The following GALNT10 variants were observed in gnomAD, a reference collection of about 807,000 sequenced individuals.
GALNT10 encodes the protein GalNAc transferase 10.
Under a neutral mutation model 75.0 loss-of-function variants are expected in GALNT10, and 41 were observed. The observed-to-expected ratio is 0.55, with a 90% CI of 0.43 to 0.71. The LOEUF (loss-of-function observed/expected upper bound fraction) is 0.71. Ranked by LOEUF, GALNT10 falls within the 30% of genes least tolerant of loss-of-function variation. GALNT10 has a pLI of 0.00. For synonymous variants in GALNT10, 302 were observed against 313.0 expected, an observed-to-expected ratio of 0.96 and a Z score of 0.37; for missense variants, 727 against 818.5, an observed-to-expected ratio of 0.89 and a Z score of 1.36.
At chr5:154,360,867 A>G (rs1480969419) in intron 4 of GALNT10, among the ~76,000 whole-genome samples, 1 of 152,216 alleles carries the variant, frequency 6.6e-6, no homozygotes, top group Non-Finnish European at 1.5e-5. Flanking sequence ...TGTTTTAGAG[A>G]TTTAACATCT....
intron 1 of GALNT10, among the ~76,000 whole-genome samples, chr5:154,238,649 G>T (rs967232863): frequency 1.3e-5 from 2 of 152,156 alleles, no homozygotes; most frequent in Admixed American, 1.3e-4. Context: ...CTGCTCTCTG[G>T]ACGCAGAGCT....
rs1195391184 is a variant in GALNT10 at position 154,206,248 on chromosome 5, T to TA, written c.159+15231dup. ...TCTGCTTATTAAGAGATCAACCTGT[T>TA]AAAAAAAACCTGAGCCATTAGCCTT... On this transcript the variant is annotated intron_variant, in intron 1 of 11. Transcript: ENST00000297107. Among the ~76,000 whole-genome samples the TA allele has an allele frequency of 5.3e-4, 81 of 152,096 alleles. 1 individual carries two copies. The highest frequency in any genetic ancestry group is 1.3e-3 in the African/African-American group (55 of 41,478).
intron 3 of GALNT10, among the ~76,000 whole-genome samples, chr5:154,321,159 C>G (rs1386203688): frequency 6.6e-6 from 1 of 152,206 alleles, no homozygotes; most frequent in African/African-American, 2.4e-5. Flanking sequence ...CTCTCCACCC[C>G]TCAATCCACT....
intron 10 of GALNT10, among the ~76,000 whole-genome samples, chr5:154,413,332 C>T (rs769128897): frequency 3.9e-5 from 6 of 152,198 alleles, no homozygotes; most frequent in Non-Finnish European, 7.4e-5. Context: ...TCCCTCTCTG[C>T]GGGCCTCATT....
At chr5:154,338,275 G>C (rs1339837783) in intron 4 of GALNT10, 1 of 672,520 alleles carries the variant, frequency 1.5e-6, no homozygotes, top group Non-Finnish European at 2.7e-6. Context: ...TGGAGTGCTT[G>C]GTGCTTGGAT....
intron 1 of GALNT10, chr5:154,219,503 A>T (rs1256697154): frequency 6.6e-6 from 1 of 152,368 alleles, no homozygotes; most frequent in African/African-American, 2.4e-5. Flanking sequence ...CACACAATGC[A>T]TGCCAAATAA....
At chr5:154,281,726 G>A (rs1754040855) in intron 1 of GALNT10, among the ~76,000 whole-genome samples, 1 of 152,192 alleles carries the variant, frequency 6.6e-6, no homozygotes, top group Admixed American at 6.5e-5. Context: ...GTTCAAACAA[G>A]ATAGTGTATT....
chr5:154,213,767 G>A (rs942551661), intron 1 of GALNT10, among the ~76,000 whole-genome samples: 3 of 152,090 alleles, frequency 2.0e-5, no homozygotes, highest in African/African-American at 4.8e-5. Flanking sequence ...TTTTTGTAGC[G>A]ACAGGGATCT....
At chr5:154,354,385 G>T (rs1405166473) in intron 4 of GALNT10, among the ~76,000 whole-genome samples, 1 of 152,192 alleles carries the variant, frequency 6.6e-6, no homozygotes, top group Non-Finnish European at 1.5e-5. Flanking sequence ...CTTCACAGTA[G>T]TGCCAACACC....
rs1257831860 is a variant in GALNT10 at position 154,402,126 on chromosome 5, G to A, written c.1057-1978G>A. Among the ~76,000 whole-genome samples the A allele has an allele frequency of 6.6e-6, 1 of 152,228 alleles. No homozygotes were observed. The highest frequency in any genetic ancestry group is 1.5e-5 in the Non-Finnish European group (1 of 68,044). ...GCAGAGTCATCTTTGTAAGATGTAA[G>A]TGGATTGTGTGTCTCCCTCACTGAA... On this transcript the variant is annotated intron_variant, in intron 7 of 11. Coordinates refer to ENST00000297107, the MANE Select transcript of GALNT10 (RefSeq NM_198321.4). This position sits in a 1 kb window ranked among gnomAD's most constrained non-coding sequence, Gnocchi z 4.2.
chr5:154,201,137 A>T (rs749406125), intron 1 of GALNT10, among the ~76,000 whole-genome samples: 1 of 152,132 alleles, frequency 6.6e-6, no homozygotes, highest in Non-Finnish European at 1.5e-5. Context: ...AGTGGTCTCA[A>T]ACCTGGGCAC....
chr5:154,401,249 C>T (rs1205325965), intron 7 of GALNT10, among the ~76,000 whole-genome samples: 1 of 152,228 alleles, frequency 6.6e-6, no homozygotes. Context: ...CAGAGCTGGA[C>T]ACAGAGCCTC....
At chr5:154,333,595 A>T (rs1464067643) in intron 4 of GALNT10, among the ~76,000 whole-genome samples, 1 of 152,244 alleles carries the variant, frequency 6.6e-6, no homozygotes, top group Non-Finnish European at 1.5e-5. Flanking sequence ...GTCTTGACAA[A>T]GAAAAGGTAC....
chr5:154,342,208 A>G (rs79861134), intron 4 of GALNT10, among the ~76,000 whole-genome samples: 2,087 of 152,322 alleles, frequency 0.014, 45 homozygotes, highest in African/African-American at 0.046. Context: ...TTAAAAATGC[A>G]AGATTAATGA....
chr5:154,215,193 G>A (rs2113650860), intron 1 of GALNT10, among the ~76,000 whole-genome samples: 1 of 152,336 alleles, frequency 6.6e-6, no homozygotes, highest in East Asian at 1.9e-4. Context: ...CTTCAAAGGT[G>A]TTATCTAGCC....
chr5:154,196,950 T>TG (rs1445411720), intron 1 of GALNT10, among the ~76,000 whole-genome samples: 1 of 152,150 alleles, frequency 6.6e-6, no homozygotes, highest in Non-Finnish European at 1.5e-5. Context: ...GCTGACACAG[T>TG]GTTCCAGGCA....
chr5:154,254,165 G>A (rs1041883524), intron 1 of GALNT10, among the ~76,000 whole-genome samples: 6 of 152,184 alleles, frequency 3.9e-5, no homozygotes, highest in African/African-American at 1.4e-4. Context: ...CTCATGGTTA[G>A]TAGTGGTTTG....
At chr5:154,223,930 A>C (rs990140697) in intron 1 of GALNT10, among the ~76,000 whole-genome samples, 2 of 151,524 alleles carry the variant, frequency 1.3e-5, no homozygotes, top group African/African-American at 4.8e-5. Context: ...AAAAAAAAAA[A>C]CTAAAAAACT....
At chr5:154,287,580 A>G (rs1754130392) in intron 1 of GALNT10, 2 of 152,140 alleles carry the variant, frequency 1.3e-5, no homozygotes, top group African/African-American at 2.4e-5. Flanking sequence ...TCAAGGCACT[A>G]TGTTATAGGC....
Sources: gnomAD v4.1 joint callset for allele counts (sites outside exome capture counted in the v4.1 genomes callset) on GRCh38, gnomAD v4.1.1 for gene constraint, Gnocchi (gnomAD v3.1) non-coding constraint, MANE v1.5 for transcripts, NCBI Gene and HGNC (gene_info 2026-07-23, HGNC 2026-07-21) for gene names.